The following ADCY7 variants were observed in gnomAD, a reference collection of about 807,000 sequenced individuals.
ADCY7 encodes the protein adenylate cyclase 7.
ADCY7 carries 72 observed loss-of-function variants against 120.6 expected under a neutral mutation model. The ratio of observed to expected loss-of-function variants is 0.60; its 90% CI spans 0.49 to 0.73. ADCY7 has a LOEUF of 0.73. ADCY7 is among the 30% of genes least tolerant of loss of function. The pLI is 0.00. For missense variants in ADCY7, 1,227 were observed against 1,486.0 expected (o/e 0.83, Z 2.87); for synonymous variants, 661 against 628.0 (o/e 1.05, Z -0.78).
chr16:50,292,551 C>T, intron 4 of ADCY7, 125 bp from the exon 5 acceptor site: 2 of 1,220,128 alleles, frequency 1.6e-6, no homozygotes, highest in South Asian at 1.4e-5. Flanking sequence ...GGAAGAGTGC[C>T]ATTCTCAGTG....
rs745542494 is a variant in ADCY7, at chr16:50,310,815, A to G, written c.2289A>G (p.Pro763=). 5.6e-6 allele frequency: 9 copies of G among 1,613,942 alleles called. No individual in the cohort carries two copies. The highest frequency in any genetic ancestry group is 1.3e-5 in the African/African-American group (1 of 75,022). Residue 763 remains proline (P), a synonymous_variant, in exon 19 of 26, where the codon CCA becomes CCG. Transcript: ENST00000673801. The part of the protein sequence containing the change: ...VAYLVLFNLS[P]CWQWDCCGQG... ...ACCTGGTGCTCTTCAACCTCTCCCC[A>G]TGCTGGCAGTGGGACTGCTGCGGCC...
intron 1 of ADCY7, chr16:50,274,167 G>A (rs1335506077): frequency 2.0e-5 from 3 of 152,388 alleles, no homozygotes; most frequent in African/African-American, 4.8e-5. Context: ...GAGGAGGCCA[G>A]GGAAGCTCTA....
chr16:50,313,912 C>T (rs370871852), intron 22 of ADCY7, 46 bp from the exon 23 acceptor site: 63 of 1,533,432 alleles, frequency 4.1e-5, no homozygotes, highest in Admixed American at 1.2e-4. Context: ...AGCCTGGCTG[C>T]GGCTATGGAG....
intron 2 of ADCY7, chr16:50,289,295 CA>C (rs991699730): frequency 7.1e-5 from 31 of 437,190 alleles, no homozygotes; most frequent in African/African-American, 5.1e-4. Context: ...CTTGGCCTCC[CA>C]AAGTGTTGGG....
At chr16:50,284,867 C>G (rs770368603) in intron 1 of ADCY7, among the ~76,000 whole-genome samples, 41 of 152,114 alleles carry the variant, frequency 2.7e-4, no homozygotes, top group Non-Finnish European at 4.4e-4. Flanking sequence ...TGGCCTTTGC[C>G]GGTTGTGAAG....
intron 11 of ADCY7, 141 bp from the exon 12 acceptor site, chr16:50,304,784 G>A (rs2035953730): frequency 2.5e-6 from 3 of 1,208,084 alleles, no homozygotes; most frequent in Non-Finnish European, 3.7e-6. Context: ...CTCAGCTATA[G>A]TCAGGATGTC....
At chr16:50,254,812 C>T (rs1003886172) in intron 1 of ADCY7, among the ~76,000 whole-genome samples, 3 of 148,752 alleles carry the variant, frequency 2.0e-5, no homozygotes, top group African/African-American at 7.5e-5. Flanking sequence ...TGCCCCCCCA[C>T]CCCCACCCCC....
chr16:50,263,895 T>C (rs1467895652), upstream of ADCY7, among the ~76,000 whole-genome samples: 1 of 152,028 alleles, frequency 6.6e-6, no homozygotes, highest in Non-Finnish European at 1.5e-5. Context: ...CCAGGTCAGA[T>C]CTGTTCTTTT....
chr16:50,246,523 C>T (rs1206462926), intron 1 of ADCY7, among the ~76,000 whole-genome samples: 1 of 152,220 alleles, frequency 6.6e-6, no homozygotes, highest in African/African-American at 2.4e-5. Flanking sequence ...CCGCCCGGCC[C>T]CAGACCCCTG....
chr16:50,292,063 C>T (rs2035017588), intron 4 of ADCY7, among the ~76,000 whole-genome samples, 166 bp downstream of exon 4: 1 of 152,240 alleles, frequency 6.6e-6, no homozygotes, highest in African/African-American at 2.4e-5. Context: ...AGCTGGGCTC[C>T]AGGCGTGGCC....
intron 24 of ADCY7, 41 bp from the exon 25 acceptor site, chr16:50,314,973 C>T: frequency 1.2e-6 from 2 of 1,611,416 alleles, no homozygotes; most frequent in Non-Finnish European, 1.7e-6. Flanking sequence ...AAGCTTGAGG[C>T]TTTGCCTGCA....
intron 1 of ADCY7, among the ~76,000 whole-genome samples, chr16:50,250,596 C>T (rs1049569334): frequency 1.3e-5 from 2 of 149,102 alleles, no homozygotes; most frequent in Non-Finnish European, 3.0e-5. Context: ...TGGTGAAACT[C>T]TGTCTCTATT....
upstream of ADCY7, among the ~76,000 whole-genome samples, chr16:50,262,649 C>T (rs928096796): frequency 2.0e-5 from 3 of 152,154 alleles, no homozygotes; most frequent in African/African-American, 7.2e-5. Context: ...GAGCTTTATG[C>T]CATGCCTTTG....
intron 1 of ADCY7, among the ~76,000 whole-genome samples, chr16:50,272,826 C>A (rs1008832276): frequency 1.3e-5 from 2 of 152,142 alleles, no homozygotes; most frequent in African/African-American, 2.4e-5. Flanking sequence ...TCCGGTACCC[C>A]CTCTGGCTGG....
Position 50,317,281 on chromosome 16 carries a change from TAA to T in ADCY7, c.*1777_*1778del. On this transcript the variant is annotated 3_prime_UTR_variant, in exon 26 of 26. Coordinates refer to ENST00000673801, the MANE Select transcript of ADCY7 (RefSeq NM_001114.5). ...GCTGGTAAGGGCAATTAGCCTCGCT[TAA>T]GTTGCCTTTTTTACACACCAAAACT... 6.6e-6 allele frequency: 1 copy of T among 150,786 alleles called. No homozygotes were observed. Among genetic ancestry groups the T allele is most frequent in the Middle Eastern group, 3.4e-3 (1 of 294 alleles). The allele number at this position is 150,786 out of a possible 1,614,324, so 9.3% of individuals were successfully genotyped here.
At chr16:50,277,170 T>C (rs1567540889) in intron 1 of ADCY7, among the ~76,000 whole-genome samples, 1 of 152,336 alleles carries the variant, frequency 6.6e-6, no homozygotes, top group South Asian at 2.1e-4. Flanking sequence ...TAGTATTCCA[T>C]TGTAAGGTTG....
chr16:50,277,416 T>C (rs1308405445), intron 1 of ADCY7, among the ~76,000 whole-genome samples: 6 of 152,218 alleles, frequency 3.9e-5, no homozygotes, highest in Non-Finnish European at 5.9e-5. Flanking sequence ...TGACTCACAT[T>C]CCTGCCCAGG....
chr16:50,300,397 G>A (rs1035493453), intron 8 of ADCY7, among the ~76,000 whole-genome samples: 9 of 152,136 alleles, frequency 5.9e-5, no homozygotes, highest in African/African-American at 9.7e-5. Context: ...AAACCCAGCC[G>A]GTGCTGCTGG....
rs2036006270 is a variant in ADCY7 at position 50,305,605 on chromosome 16, G to A, written c.1679+19G>A. ...CCACGAGGTGAGGTCTGAGACCTCTGTCCACCCCCCTCTCCTCTCCCCCTC... is the reference window on the plus strand; with the variant it reads ...CCACGAGGTGAGGTCTGAGACCTCTATCCACCCCCCTCTCCTCTCCCCCTC... On this transcript the variant is annotated intron_variant, in intron 13 of 25. Transcript: ENST00000673801. 1 of 1,580,878 alleles carries A rather than the reference G, an allele frequency of 6.3e-7. No individual in the cohort carries two copies. Among genetic ancestry groups the A allele is most frequent in the South Asian group, 1.2e-5 (1 of 86,332 alleles).
Sources: allele counts gnomAD v4.1 joint callset (sites outside exome capture counted in the v4.1 genomes callset), GRCh38; gene constraint gnomAD v4.1.1; transcripts MANE v1.5; gene names NCBI Gene and HGNC (gene_info 2026-07-23, HGNC 2026-07-21).